Variants in RUNX1 observed in about 807,000 individuals in gnomAD.
RUNX1 encodes the protein runt-related transcription factor 1.
Under a neutral mutation model 42.8 loss-of-function variants are expected in RUNX1, and 19 were observed. The ratio of observed to expected loss-of-function variants is 0.44; its 90% CI spans 0.31 to 0.65. RUNX1 has a LOEUF of 0.65. RUNX1 is among the 30% of genes least tolerant of loss of function. The pLI, the probability that RUNX1 is intolerant of heterozygous loss-of-function variation, is 0.07. For synonymous variants in RUNX1, 271 were observed against 289.4 expected, an observed-to-expected ratio of 0.94 and a Z score of 0.64; for missense variants, 528 against 672.0, an observed-to-expected ratio of 0.79 and a Z score of 2.37.
At chr21:34,958,244 C>G (rs1158297370) in intron 2 of RUNX1, among the ~76,000 whole-genome samples, 3 of 152,126 alleles carry the variant, frequency 2.0e-5, no homozygotes, top group Non-Finnish European at 4.4e-5. Context: ...TGGCGAACCC[C>G]TTCCCCTCCC....
At chr21:34,979,061 C>T (rs1163445598) in intron 2 of RUNX1, among the ~76,000 whole-genome samples, 4 of 151,854 alleles carry the variant, frequency 2.6e-5, no homozygotes, top group South Asian at 2.1e-4. Flanking sequence ...AAAGATCTCT[C>T]GTAATTTCCA....
chr21:34,959,427 C>G (rs2058668101), intron 2 of RUNX1, among the ~76,000 whole-genome samples: 1 of 152,066 alleles, frequency 6.6e-6, no homozygotes, highest in South Asian at 2.1e-4. Context: ...ATTACACAAG[C>G]TAATACTAAG....
intron 6 of RUNX1, among the ~76,000 whole-genome samples, chr21:34,852,873 G>A (rs912011580): frequency 6.6e-6 from 1 of 152,218 alleles, no homozygotes; most frequent in Admixed American, 6.5e-5. Flanking sequence ...AATTCCCAGT[G>A]AGCAATGCGA....
At chr21:34,854,057 G>A (rs1218911366) in intron 6 of RUNX1, among the ~76,000 whole-genome samples, 5 of 152,200 alleles carry the variant, frequency 3.3e-5, no homozygotes, top group South Asian at 4.1e-4. Flanking sequence ...CAAGTGAGCC[G>A]CCCGCATTGG....
At chr21:35,023,098 A>T (rs992425039) in intron 2 of RUNX1, among the ~76,000 whole-genome samples, 1 of 151,652 alleles carries the variant, frequency 6.6e-6, no homozygotes, top group Non-Finnish European at 1.5e-5. Context: ...GTATGCCACC[A>T]TTCCTGGAAA....
chr21:34,900,314 G>T (rs1022928680), intron 2 of RUNX1, among the ~76,000 whole-genome samples: 2 of 152,098 alleles, frequency 1.3e-5, no homozygotes, highest in Non-Finnish European at 2.9e-5. Flanking sequence ...ACTCATTTGT[G>T]GCTAGTGGCT....
At chr21:34,878,169 C>CAA (rs67348360) in intron 5 of RUNX1, among the ~76,000 whole-genome samples, 51 of 111,628 alleles carry the variant, frequency 4.6e-4, no homozygotes, top group Non-Finnish European at 7.2e-4. Context: ...AAGCAAATTG[C>CAA]AAAAAAAAAA....
intron 3 of RUNX1, 68 bp downstream of exon 3, chr21:34,892,857 A>G (rs2146453876): frequency 1.1e-6 from 1 of 920,534 alleles, no homozygotes; most frequent in Non-Finnish European, 1.8e-6. Context: ...ATACATAGAT[A>G]TAAAATCATA....
intron 2 of RUNX1, among the ~76,000 whole-genome samples, chr21:34,981,560 CA>C (rs951956474): frequency 2.0e-5 from 3 of 150,358 alleles, no homozygotes; most frequent in African/African-American, 4.9e-5. Context: ...TTTGAAAGTC[CA>C]AAAAAAAGAG....
intron 4 of RUNX1, among the ~76,000 whole-genome samples, chr21:34,883,440 TTC>T (rs1166784798): frequency 2.0e-5 from 3 of 152,194 alleles, no homozygotes; most frequent in Admixed American, 1.3e-4. Context: ...TTTAAAAAGT[TTC>T]TTTTTAATTC....
chr21:35,047,547 ACACACACACACACACTCTCTCTCT>A (rs1486675569), intron 2 of RUNX1, among the ~76,000 whole-genome samples: 124 of 123,296 alleles, frequency 1.0e-3, no homozygotes, highest in African/African-American at 3.5e-3. Context: ...ACACACACAC[ACACACACACACACACTCTCTCTCT>A]CTCTCTCTCT....
At chr21:35,019,326 C>T (rs1168274643) in intron 2 of RUNX1, among the ~76,000 whole-genome samples, 3 of 152,188 alleles carry the variant, frequency 2.0e-5, no homozygotes, top group Admixed American at 6.5e-5. Context: ...GCCTTCCAGT[C>T]GTCTGAATGG....
intron 3 of RUNX1, among the ~76,000 whole-genome samples, chr21:34,891,161 A>G (rs2058077042): frequency 6.6e-6 from 1 of 152,198 alleles, no homozygotes; most frequent in Non-Finnish European, 1.5e-5. Context: ...GGAGGGAGTC[A>G]AGTTCCTTTA....
intron 2 of RUNX1, among the ~76,000 whole-genome samples, chr21:34,965,333 G>A (rs763058949): frequency 3.1e-4 from 47 of 152,152 alleles, no homozygotes; most frequent in Non-Finnish European, 5.4e-4. Context: ...GACCAGTCAG[G>A]AAAGGAAAAT....
intron 2 of RUNX1, among the ~76,000 whole-genome samples, chr21:34,947,059 C>T (rs565800224): frequency 2.0e-4 from 31 of 152,228 alleles, no homozygotes; most frequent in Admixed American, 3.3e-4. Flanking sequence ...CTCTCTCCCT[C>T]TTCTGGTCAC....
intron 7 of RUNX1, among the ~76,000 whole-genome samples, chr21:34,805,415 A>G (rs946653231): frequency 2.0e-5 from 3 of 152,252 alleles, no homozygotes; most frequent in Non-Finnish European, 2.9e-5. Flanking sequence ...ACACCCAGGC[A>G]TATCATATTT....
intron 2 of RUNX1, among the ~76,000 whole-genome samples, chr21:34,990,622 A>T (rs1273337128): frequency 6.6e-6 from 1 of 151,546 alleles, no homozygotes; most frequent in Non-Finnish European, 1.5e-5. Flanking sequence ...CCATTAACGG[A>T]TATAATGTTG....
rs550770209 is a variant in RUNX1 at position 35,037,055 on chromosome 21, G to GCT, written c.58+11785_58+11786dup. On this transcript the variant is annotated intron_variant, in intron 2 of 8. Transcript: ENST00000675419. ...TGGGACACAAAATTCAAGGTGGTGC[G>GCT]CTCTCAAGCCCATGTAAATGCAAGG... is the stretch of plus-strand genomic sequence containing the variant. Among the ~76,000 whole-genome samples, 264 of 152,262 alleles carry GCT rather than the reference G, an allele frequency of 1.7e-3. 3 individuals are homozygous for GCT. Among genetic ancestry groups the GCT allele is most frequent in the African/African-American group, 6.2e-3 (256 of 41,552 alleles).
intron 2 of RUNX1, among the ~76,000 whole-genome samples, chr21:35,004,029 T>C (rs556115732): frequency 6.6e-6 from 1 of 152,336 alleles, no homozygotes; most frequent in East Asian, 1.9e-4. Context: ...ATCCCACCCA[T>C]ATAAGATTTC....
Sources: gnomAD v4.1 joint callset for allele counts (sites outside exome capture counted in the v4.1 genomes callset) on GRCh38, gnomAD v4.1.1 for gene constraint, MANE v1.5 for transcripts, NCBI Gene and HGNC (gene_info 2026-07-23, HGNC 2026-07-21) for gene names.